The following KIAA2012 variants were observed in gnomAD, a reference collection of about 807,000 sequenced individuals.
KIAA2012 encodes the protein KIAA2012.
A neutral mutation model predicts 150.6 loss-of-function variants in KIAA2012; 125 were observed. That is an observed-to-expected ratio of 0.83 (90% confidence interval 0.72 to 0.96). The LOEUF is 0.96. KIAA2012 is among the 40% of genes least tolerant of loss of function. KIAA2012 has a pLI of 0.00. For missense variants in KIAA2012, 1,219 were observed against 1,354.9 expected (o/e 0.90, Z 1.57); for synonymous variants, 462 against 504.7 (o/e 0.92, Z 1.13).
chr2:202,125,218 T>C lies in KIAA2012; in HGVS notation c.1767T>C (p.Tyr589=), dbSNP rs1690753852. 6.5e-7 allele frequency: 1 copy of C among 1,549,988 alleles called. No individual in the cohort carries two copies. Among genetic ancestry groups the C allele is most frequent in the Non-Finnish European group, 8.7e-7 (1 of 1,146,606 alleles). ...AAATATCTTACTGTTTTTCAGCCTA[T>C]GAATCTGTCAATTCAAATATCAGCC... The part of the protein sequence containing the change: ...QTEALPSGKA[Y]ESVNSNISHE... Residue 589 remains tyrosine, a synonymous_variant, in exon 12 of 24, where the codon TAT becomes TAC. Transcript: ENST00000498697.
intron 17 of KIAA2012, among the ~76,000 whole-genome samples, chr2:202,187,680 C>G (rs1436233290): frequency 6.6e-6 from 1 of 152,182 alleles, no homozygotes; most frequent in African/African-American, 2.4e-5. Context: ...TAGGAGGAAC[C>G]ACTGTGTTAT....
At chr2:202,148,371 G>C (rs529489837) in intron 13 of KIAA2012, among the ~76,000 whole-genome samples, 4 of 152,122 alleles carry the variant, frequency 2.6e-5, no homozygotes, top group Non-Finnish European at 4.4e-5. Flanking sequence ...TAAAGTTGAG[G>C]ACATTAAAAA....
chr2:202,175,992 A>AT (rs1359435317), intron 15 of KIAA2012, among the ~76,000 whole-genome samples: 1 of 152,208 alleles, frequency 6.6e-6, no homozygotes, highest in Non-Finnish European at 1.5e-5. Flanking sequence ...AGGATGATCT[A>AT]TTATTCACTA....
At chr2:202,166,963 G>A (rs1691780329) in intron 15 of KIAA2012, among the ~76,000 whole-genome samples, 1 of 152,082 alleles carries the variant, frequency 6.6e-6, no homozygotes, top group East Asian at 1.9e-4. Flanking sequence ...ACAAGGTCAG[G>A]AGATCGAGAC....
chr2:202,155,720 G>C (rs141199144), intron 14 of KIAA2012, among the ~76,000 whole-genome samples: 320 of 152,334 alleles, frequency 2.1e-3, no homozygotes, highest in Admixed American at 4.9e-3. Flanking sequence ...GACTGGCAGG[G>C]CCTTTGGAGG....
At chr2:202,157,721 G>T (rs929173941) in intron 14 of KIAA2012, among the ~76,000 whole-genome samples, 1 of 152,182 alleles carries the variant, frequency 6.6e-6, no homozygotes, top group Admixed American at 6.5e-5. Context: ...AGCAAGATTT[G>T]GTCAGGCAGC....
intron 19 of KIAA2012, 115 bp downstream of exon 19, chr2:202,190,608 C>CTAA: frequency 1.3e-6 from 1 of 765,216 alleles, no homozygotes; most frequent in East Asian, 2.7e-5. Flanking sequence ...GCTCGACCAC[C>CTAA]TAATGGTCTT....
At chr2:202,141,059 G>T (rs1414407420) in intron 13 of KIAA2012, among the ~76,000 whole-genome samples, 1 of 152,224 alleles carries the variant, frequency 6.6e-6, no homozygotes, top group Non-Finnish European at 1.5e-5. Flanking sequence ...TGGCGTGTGG[G>T]TTGGAGAGAA....
intron 2 of KIAA2012, among the ~76,000 whole-genome samples, chr2:202,078,368 G>A (rs571560525): frequency 1.2e-4 from 18 of 152,262 alleles, no homozygotes; most frequent in Non-Finnish European, 2.6e-4. Flanking sequence ...AGCACACTGC[G>A]GCCTCAAACT....
rs1342811128 is a variant in KIAA2012 at position 202,074,901 on chromosome 2, A to G, written c.95A>G (p.Asn32Ser). The stretch of plus-strand genomic sequence containing the variant: ...TGCTTCTCATTGCAGGATTACTTGA[A>G]CTGGAGGTCCCCAGAAGACTATGTT... ...EVYFEPEDYLNWRSPEDYVPV... is the reference protein window; with the variant it reads ...EVYFEPEDYLSWRSPEDYVPV... Residue 32 changes from asparagine (N) to serine (S), a missense_variant, in exon 2 of 24, where the codon AAC becomes AGC. Coordinates refer to ENST00000498697, the MANE Select transcript of KIAA2012 (RefSeq NM_001277372.4). 1.9e-6 allele frequency: 3 copies of G among 1,546,358 alleles called. No homozygotes were observed. Among genetic ancestry groups the G allele is most frequent in the East Asian group, 4.9e-5 (2 of 40,906 alleles).
Position 202,105,852 on chromosome 2 carries a change from A to G in KIAA2012, c.1416A>G (p.Pro472=). ...TGAAGCATGCGTCCTTAGAAACACC[A>G]TGGGAGTTAACAGTGCATCTCCCAG... The part of the protein sequence containing the change: ...PPLKHASLET[P]WELTVHLPVD... The change falls in exon 9 of 24, where the codon CCA becomes CCG. Residue 472 remains proline, a synonymous_variant. Transcript: ENST00000498697. 1 of 1,550,822 alleles carries G rather than the reference A, an allele frequency of 6.4e-7. No individual in the cohort carries two copies. The highest frequency in any genetic ancestry group is 1.2e-5 in the South Asian group (1 of 84,062).
At chr2:202,114,299 C>T (rs746104713) in intron 11 of KIAA2012, 30 of 164,920 alleles carry the variant, frequency 1.8e-4, no homozygotes, top group African/African-American at 6.0e-4. Flanking sequence ...ATCTTGTGTC[C>T]GCTGCTATTG....
chr2:202,130,004 G>C (rs897806108), intron 12 of KIAA2012, among the ~76,000 whole-genome samples: 2 of 152,066 alleles, frequency 1.3e-5, no homozygotes, highest in Non-Finnish European at 2.9e-5. Flanking sequence ...ATCTGCAATA[G>C]CTCTTGTGCA....
At chr2:202,182,294 A>G (rs1237744138) in intron 15 of KIAA2012, among the ~76,000 whole-genome samples, 1 of 151,738 alleles carries the variant, frequency 6.6e-6, no homozygotes, top group East Asian at 1.9e-4. Flanking sequence ...TATTTTTACT[A>G]GAGATGGGGT....
intron 12 of KIAA2012, chr2:202,136,020 C>A: frequency 3.0e-6 from 1 of 335,256 alleles, no homozygotes; most frequent in Non-Finnish European, 6.1e-6. Flanking sequence ...TTTTTTGAAA[C>A]AGAGTCTCAC....
intron 15 of KIAA2012, among the ~76,000 whole-genome samples, chr2:202,169,130 C>T (rs1691832201): frequency 6.6e-6 from 1 of 152,172 alleles, no homozygotes; most frequent in Non-Finnish European, 1.5e-5. Flanking sequence ...TGGGTGGCTA[C>T]TAAGTACCAC....
chr2:202,111,614 GT>G (rs780787512), intron 10 of KIAA2012, among the ~76,000 whole-genome samples: 1 of 151,794 alleles, frequency 6.6e-6, no homozygotes, highest in Non-Finnish European at 1.5e-5. Context: ...GTGTGCATGT[GT>G]GTAAGTGAAT....
Position 202,125,235 on chromosome 2 carries a change from A to AT in KIAA2012, c.1785dup (p.Ile596TyrfsTer4). ...TCAGCCTATGAATCTGTCAATTCAA[A>AT]TATCAGCCATGAAGAGGAAGGGCCT... is the stretch of plus-strand genomic sequence containing the variant. On this transcript the variant is annotated frameshift_variant, in exon 12 of 24. Transcript: ENST00000498697. LOFTEE classifies it high-confidence loss of function. The AT allele has an allele frequency of 6.4e-7, 1 of 1,550,474 alleles. No homozygotes were observed. The highest frequency in any genetic ancestry group is 1.2e-5 in the South Asian group (1 of 84,034).
chr2:202,153,619 C>G (rs1473204229), intron 13 of KIAA2012, among the ~76,000 whole-genome samples: 2 of 152,210 alleles, frequency 1.3e-5, no homozygotes, highest in Non-Finnish European at 2.9e-5. Flanking sequence ...CAGCTATTCC[C>G]TCAGCCCACT....
Sources: gnomAD v4.1 joint callset for allele counts (sites outside exome capture counted in the v4.1 genomes callset) on GRCh38, gnomAD v4.1.1 for gene constraint, MANE v1.5 for transcripts, NCBI Gene and HGNC (gene_info 2026-07-23, HGNC 2026-07-21) for gene names.